CDH18: variants seen among roughly 807,000 people sequenced by gnomAD.
CDH18 encodes the protein cadherin 18.
Under a neutral mutation model 67.9 loss-of-function variants are expected in CDH18, and 31 were observed. That is an observed-to-expected ratio of 0.46 (90% CI 0.34 to 0.62). The LOEUF (loss-of-function observed/expected upper bound fraction) is 0.62. Among genes scored for constraint, CDH18 ranks in the 20% least tolerant of loss-of-function variants. CDH18 has a pLI of 0.01. For synonymous variants in CDH18, 362 were observed against 347.2 expected, an observed-to-expected ratio of 1.04 and a Z score of -0.48; for missense variants, 890 against 975.5, an observed-to-expected ratio of 0.91 and a Z score of 1.17.
In CDH18 at chr5:19,684,669, T is replaced by G. The variant is rs187737581; in HGVS notation, c.643+36678A>C. 1.1e-3 allele frequency among the ~76,000 whole-genome samples: 162 copies of G among 152,014 alleles called. 1 individual carries two copies. Among genetic ancestry groups the G allele is most frequent in the African/African-American group, 3.8e-3 (158 of 41,544 alleles). On this transcript the variant is annotated intron_variant, in intron 5 of 12. Coordinates refer to ENST00000382275, the MANE Select transcript of CDH18 (RefSeq NM_004934.5). ...TAAAAACAATGTTAATTTTTAAAAT[T>G]GAAAACCCTGTAATTTGGAATTGGA...
chr5:20,134,093 C>A (rs192828405), intron 2 of CDH18, among the ~76,000 whole-genome samples: 13 of 152,284 alleles, frequency 8.5e-5, no homozygotes, highest in African/African-American at 3.1e-4. Flanking sequence ...CCTCAGCCAT[C>A]TAAGTAGCTG....
At chr5:19,872,679 G>A (rs1332765965) in intron 2 of CDH18, among the ~76,000 whole-genome samples, 1 of 152,232 alleles carries the variant, frequency 6.6e-6, no homozygotes, top group Non-Finnish European at 1.5e-5. Flanking sequence ...AGCCTTGTGA[G>A]ATCCTGAGCA....
chr5:20,554,813 G>A (rs1192105382), intron 1 of CDH18, among the ~76,000 whole-genome samples: 1 of 152,168 alleles, frequency 6.6e-6, no homozygotes, highest in Non-Finnish European at 1.5e-5. Context: ...TGAACCCTGT[G>A]CCACCAGATA....
intron 2 of CDH18, among the ~76,000 whole-genome samples, chr5:19,844,246 T>G (rs1246690371): frequency 6.6e-6 from 1 of 152,200 alleles, no homozygotes; most frequent in African/African-American, 2.4e-5. Context: ...AAATCTCATC[T>G]TGAATTCTAA....
intron 9 of CDH18, among the ~76,000 whole-genome samples, chr5:19,527,036 G>A: frequency 6.6e-6 from 1 of 151,888 alleles, no homozygotes; most frequent in East Asian, 1.9e-4. Flanking sequence ...GGAAAATTTA[G>A]AACTAAAATT....
At chr5:19,586,079 T>G (rs945090017) in intron 7 of CDH18, among the ~76,000 whole-genome samples, 74 of 152,296 alleles carry the variant, frequency 4.9e-4, no homozygotes, top group South Asian at 8.3e-4. Flanking sequence ...TATGGGTATA[T>G]TAATTCAATA....
intron 8 of CDH18, among the ~76,000 whole-genome samples, chr5:19,561,651 T>G (rs1200295164): frequency 2.6e-5 from 4 of 152,138 alleles, no homozygotes; most frequent in Admixed American, 1.3e-4. Context: ...AAAAACCTAT[T>G]GAATTTTTTT....
chr5:20,016,062 T>C (rs753709011), intron 2 of CDH18, among the ~76,000 whole-genome samples: 1 of 152,100 alleles, frequency 6.6e-6, no homozygotes, highest in African/African-American at 2.4e-5. Flanking sequence ...TGAATCAATC[T>C]AAATACCCAT....
Position 19,471,848 on chromosome 5 carries a change from T to C in CDH18, c.*1378A>G, listed in dbSNP as rs1052856603. On this transcript the variant is annotated 3_prime_UTR_variant, in exon 13 of 13. Coordinates refer to ENST00000382275, the MANE Select transcript of CDH18 (RefSeq NM_004934.5). ...TGCATGTAAATATATATTTATAAGCTAATGAAACTAGAAAATTAGATAAGC... is the reference window on the plus strand; with the variant it reads ...TGCATGTAAATATATATTTATAAGCCAATGAAACTAGAAAATTAGATAAGC... Among the ~76,000 whole-genome samples the C allele has an allele frequency of 2.6e-5, 4 of 152,178 alleles. No homozygotes were observed. The highest frequency in any genetic ancestry group is 4.8e-5 in the African/African-American group (2 of 41,452).
intron 1 of CDH18, among the ~76,000 whole-genome samples, chr5:20,438,727 C>A (rs561271306): frequency 6.6e-6 from 1 of 151,218 alleles, no homozygotes; most frequent in African/African-American, 2.4e-5. Flanking sequence ...GCTACATGTA[C>A]CTTCTATTGC....
At chr5:20,231,475 T>G (rs1271591207) in intron 2 of CDH18, among the ~76,000 whole-genome samples, 1 of 152,002 alleles carries the variant, frequency 6.6e-6, no homozygotes, top group African/African-American at 2.4e-5. Flanking sequence ...GTGGCGCTCC[T>G]GTAACCCCAG....
At chr5:20,242,853 C>T (rs1386874525) in intron 2 of CDH18, among the ~76,000 whole-genome samples, 1 of 151,634 alleles carries the variant, frequency 6.6e-6, no homozygotes, top group African/African-American at 2.4e-5. Flanking sequence ...TTTCTCTTGT[C>T]TTTCAAACTG....
At chr5:19,647,460 G>A (rs1398399027) in intron 5 of CDH18, among the ~76,000 whole-genome samples, 2 of 138,564 alleles carry the variant, frequency 1.4e-5, no homozygotes, top group Admixed American at 1.6e-4. Context: ...AACCCGGGAG[G>A]TAGAGGTTGC....
chr5:19,863,681 C>T (rs1394773234), intron 2 of CDH18, among the ~76,000 whole-genome samples: 2 of 143,556 alleles, frequency 1.4e-5, no homozygotes. Flanking sequence ...TGGTTATTGC[C>T]CCTGGCAGCA....
intron 3 of CDH18, among the ~76,000 whole-genome samples, chr5:19,751,950 C>T (rs62353610): frequency 0.011 from 1,654 of 152,074 alleles, 12 homozygotes; most frequent in South Asian, 0.022. Context: ...TACTCGCAGA[C>T]CCTCTGAAGG....
Position 20,090,552 on chromosome 5 carries a change from A to C in CDH18, c.-517-98538T>G, listed in dbSNP as rs574408599. 5.3e-5 allele frequency among the ~76,000 whole-genome samples: 8 copies of C among 152,030 alleles called. 2 individuals carry two copies. In the East Asian group the frequency reaches 1.6e-3, roughly 30 times the overall value. ...TCTGTCTCAAAAACCAAAGACCAAA[A>C]AACAAACAAACAAACAAAAAAGAAA... On this transcript the variant is annotated intron_variant, in intron 2 of 14. Transcript: ENST00000507958.
chr5:19,613,442 G>T (rs575357892), intron 5 of CDH18, among the ~76,000 whole-genome samples: 1 of 152,196 alleles, frequency 6.6e-6, no homozygotes, highest in East Asian at 1.9e-4. Flanking sequence ...CACTATTTTT[G>T]TTAGAAAACA....
intron 2 of CDH18, among the ~76,000 whole-genome samples, chr5:19,936,886 A>G (rs1457693278): frequency 1.3e-5 from 2 of 150,564 alleles, no homozygotes; most frequent in Non-Finnish European, 3.0e-5. Flanking sequence ...ATATAGATGT[A>G]ATAATATTAT....
chr5:20,455,966 C>T (rs1226769631), intron 1 of CDH18, among the ~76,000 whole-genome samples: 1 of 151,988 alleles, frequency 6.6e-6, no homozygotes, highest in East Asian at 1.9e-4. Flanking sequence ...CAGCTGATAA[C>T]CTTTGTTTTG....
Sources: allele counts gnomAD v4.1 joint callset (sites outside exome capture counted in the v4.1 genomes callset), GRCh38; gene constraint gnomAD v4.1.1; transcripts MANE v1.5; gene names NCBI Gene and HGNC (gene_info 2026-07-23, HGNC 2026-07-21).